The following PARP15 variants were observed in gnomAD, a reference collection of about 807,000 sequenced individuals.
PARP15 encodes poly(ADP-ribose) polymerase family member 15.
A neutral mutation model predicts 62.1 loss-of-function variants in PARP15; 50 were observed. That is an observed-to-expected ratio of 0.81 (90% CI 0.64 to 1.02). The LOEUF (loss-of-function observed/expected upper bound fraction) is 1.02, where lower values mean the gene tolerates loss of function less well. Among genes scored for constraint, PARP15 ranks in the 50% least tolerant of loss-of-function variants. The pLI, the probability that PARP15 is intolerant of heterozygous loss-of-function variation, is 0.00. For synonymous variants in PARP15, 309 were observed against 293.1 expected, an observed-to-expected ratio of 1.05 and a Z score of -0.55; for missense variants, 820 against 826.5, an observed-to-expected ratio of 0.99 and a Z score of 0.10.
intron 1 of PARP15, among the ~76,000 whole-genome samples, chr3:122,596,073 A>G (rs1439014788): frequency 1.3e-5 from 2 of 151,886 alleles, no homozygotes; most frequent in African/African-American, 4.8e-5. Context: ...ATATGCATAA[A>G]CATGGCTGGG....
chr3:122,612,893 T>G (rs1356778260), intron 3 of PARP15, 148 bp from the exon 4 acceptor site: 8 of 669,700 alleles, frequency 1.2e-5, no homozygotes, highest in Non-Finnish European at 2.0e-5. Context: ...TACTCTGCCC[T>G]GTTTTTGTTT....
At chr3:122,612,733 A>ATT (rs143169785) in intron 3 of PARP15, among the ~76,000 whole-genome samples, 1 of 148,574 alleles carries the variant, frequency 6.7e-6, no homozygotes, top group African/African-American at 2.5e-5. Flanking sequence ...CTGCCAATAC[A>ATT]TTTTTTTTTT....
rs945181862 is a variant in PARP15 at position 122,577,672 on chromosome 3, C to T, written c.5C>T (p.Ala2Val). 2 of 1,551,592 alleles carry T rather than the reference C, an allele frequency of 1.3e-6. No individual in the cohort carries two copies. The highest frequency in any genetic ancestry group is 1.7e-6 in the Non-Finnish European group (2 of 1,146,912). M[A>V]APGPLPAAAL... is the part of the protein sequence containing the mutation. Reference sequence around the variant, plus strand: ...TGCAGTCCCAGCGAGCTGAGGATGGCTGCGCCAGGCCCCCTTCCTGCCGCT... The same window carrying T: ...TGCAGTCCCAGCGAGCTGAGGATGGTTGCGCCAGGCCCCCTTCCTGCCGCT... Residue 2 changes from alanine (A) to valine (V), a missense_variant, in exon 1 of 12, where the codon GCT becomes GTT. Transcript: ENST00000464300.
chr3:122,616,347 TG>T (rs1553733035), intron 5 of PARP15, among the ~76,000 whole-genome samples: 85 of 149,082 alleles, frequency 5.7e-4, no homozygotes, highest in African/African-American at 1.9e-3. Context: ...TTTTTTTTTT[TG>T]AGATGGAGTC....
intron 1 of PARP15, among the ~76,000 whole-genome samples, chr3:122,603,542 A>C (rs890952426): frequency 1.3e-5 from 2 of 152,250 alleles, no homozygotes; most frequent in African/African-American, 4.8e-5. Context: ...TGGTCATAAT[A>C]ATTGGTTGTC....
At chr3:122,609,816 T>A (rs1935435984) in intron 2 of PARP15, among the ~76,000 whole-genome samples, 1 of 151,858 alleles carries the variant, frequency 6.6e-6, no homozygotes, top group Admixed American at 6.6e-5. Flanking sequence ...GTAATAGGAG[T>A]TATGAGTTGA....
intron 1 of PARP15, among the ~76,000 whole-genome samples, chr3:122,598,715 G>A (rs576021738): frequency 6.6e-6 from 1 of 152,152 alleles, no homozygotes; most frequent in South Asian, 2.1e-4. Context: ...CTACGCAAAG[G>A]CTCAATGACC....
chr3:122,609,081 T>C (rs1223749901), intron 2 of PARP15, among the ~76,000 whole-genome samples: 1 of 152,130 alleles, frequency 6.6e-6, no homozygotes, highest in Non-Finnish European at 1.5e-5. Flanking sequence ...ATATATTGCT[T>C]CCCTAAACTG....
chr3:122,601,929 T>C (rs1934827573), intron 1 of PARP15, among the ~76,000 whole-genome samples: 1 of 151,278 alleles, frequency 6.6e-6, no homozygotes, highest in South Asian at 2.1e-4. Context: ...ATCCTTGCAT[T>C]TGGTGGCCTT....
chr3:122,627,952 A>G (rs570192383), intron 9 of PARP15, among the ~76,000 whole-genome samples: 18 of 152,372 alleles, frequency 1.2e-4, no homozygotes, highest in African/African-American at 4.1e-4. Flanking sequence ...GCAGAATTCA[A>G]TAACTCATGT....
intron 1 of PARP15, among the ~76,000 whole-genome samples, chr3:122,587,787 T>C (rs1176759364): frequency 6.6e-6 from 1 of 152,182 alleles, no homozygotes; most frequent in Non-Finnish European, 1.5e-5. Flanking sequence ...CCTAAAGTAC[T>C]AGGATTACAG....
intron 1 of PARP15, among the ~76,000 whole-genome samples, chr3:122,578,716 T>C (rs959113418): frequency 6.6e-6 from 1 of 152,162 alleles, no homozygotes; most frequent in Non-Finnish European, 1.5e-5. Context: ...TATGAACTTT[T>C]CTGATGTATG....
At chr3:122,598,836 A>G (rs1024021387) in intron 1 of PARP15, among the ~76,000 whole-genome samples, 4 of 152,150 alleles carry the variant, frequency 2.6e-5, no homozygotes, top group African/African-American at 9.7e-5. Context: ...CACCTAAGCC[A>G]TCTATATAGA....
chr3:122,584,828 G>A (rs553489609), intron 1 of PARP15, among the ~76,000 whole-genome samples: 1 of 152,042 alleles, frequency 6.6e-6, no homozygotes, highest in Admixed American at 6.5e-5. Context: ...TCCACCCGCC[G>A]TGGCCTCCCA....
intron 1 of PARP15, chr3:122,594,866 T>G (rs964758523): frequency 1.5e-5 from 15 of 979,830 alleles, no homozygotes; most frequent in African/African-American, 1.8e-5. Context: ...CACTTGATGG[T>G]GAATGTAATT....
chr3:122,596,448 A>G (rs1413225473), intron 1 of PARP15, among the ~76,000 whole-genome samples: 3 of 150,490 alleles, frequency 2.0e-5, no homozygotes, highest in Non-Finnish European at 2.9e-5. Flanking sequence ...AACTTGCATT[A>G]CCCATGGCCT....
chr3:122,601,287 G>T (rs1286279066), intron 1 of PARP15, among the ~76,000 whole-genome samples: 1 of 152,104 alleles, frequency 6.6e-6, no homozygotes, highest in Non-Finnish European at 1.5e-5. Flanking sequence ...GCCTCCCAAA[G>T]TTACAGGCAT....
At chr3:122,591,939 A>C (rs1933958365) in intron 1 of PARP15, among the ~76,000 whole-genome samples, 1 of 152,182 alleles carries the variant, frequency 6.6e-6, no homozygotes. Context: ...GTCAAGAAAC[A>C]ATAGATGCTG....
intron 4 of PARP15, 36 bp downstream of exon 4, chr3:122,613,304 A>G (rs1268958454): frequency 3.0e-5 from 43 of 1,453,902 alleles, no homozygotes; most frequent in Non-Finnish European, 4.1e-5. Flanking sequence ...AATTCTGGCA[A>G]GTGAACCCAA....
Sources: allele counts gnomAD v4.1 joint callset (sites outside exome capture counted in the v4.1 genomes callset), GRCh38; gene constraint gnomAD v4.1.1; transcripts MANE v1.5; gene names NCBI Gene and HGNC (gene_info 2026-07-23, HGNC 2026-07-21).